DCAF17: variants seen among roughly 807,000 people sequenced by gnomAD.
DCAF17 encodes DDB1- and CUL4-associated factor 17.
DCAF17 carries 48 observed loss-of-function variants against 66.0 expected under a neutral mutation model. The observed-to-expected ratio is 0.73, with a 90% CI of 0.58 to 0.92. DCAF17 has a LOEUF of 0.92. DCAF17 is among the 40% of genes least tolerant of loss of function. The pLI is 0.00. For synonymous variants in DCAF17, 206 were observed against 214.6 expected (o/e 0.96, Z 0.35); for missense variants, 562 against 622.8 (o/e 0.90, Z 1.04).
intron 11 of DCAF17, 136 bp from the exon 12 acceptor site, chr2:171,477,851 A>G: frequency 1.4e-6 from 1 of 734,264 alleles, no homozygotes; most frequent in Non-Finnish European, 2.4e-6. Context: ...TCTGATTCAG[A>G]ATTTTCTCAG....
At chr2:171,475,624 A>G (rs1389293438) in intron 10 of DCAF17, among the ~76,000 whole-genome samples, 1 of 152,170 alleles carries the variant, frequency 6.6e-6, no homozygotes, top group Non-Finnish European at 1.5e-5. Flanking sequence ...ATAGCCAGGC[A>G]TGATGGTGGG....
At chr2:171,443,363 A>T in intron 2 of DCAF17, 160 bp from the exon 3 acceptor site, 1 of 575,822 alleles carries the variant, frequency 1.7e-6, no homozygotes, top group Non-Finnish European at 3.0e-6. Flanking sequence ...TTTTATATGA[A>T]TTATGTGATC....
At chr2:171,453,298 A>G (rs1695061720) in intron 6 of DCAF17, 85 bp downstream of exon 6, 1 of 1,031,650 alleles carries the variant, frequency 9.7e-7, no homozygotes, top group Non-Finnish European at 1.4e-6. Context: ...GAGATATTTG[A>G]TTGGAAATGC....
rs1460628949 is a variant in DCAF17, at chr2:171,484,944, T to C, written c.*3830T>C. On this transcript the variant is annotated 3_prime_UTR_variant, in exon 14 of 14. Coordinates refer to ENST00000375255, the MANE Select transcript of DCAF17 (RefSeq NM_025000.4). Reference sequence around the variant, plus strand: ...CTTTTTATTGCTGAGTATTCTTTCGTATGAATATATCACAGTTTGTTTTTT... The same window carrying C: ...CTTTTTATTGCTGAGTATTCTTTCGCATGAATATATCACAGTTTGTTTTTT... The C allele has an allele frequency of 2.2e-6, 1 of 454,140 alleles. No individual in the cohort carries two copies. Among genetic ancestry groups the C allele is most frequent in the Non-Finnish European group, 4.4e-6 (1 of 226,792 alleles). The allele number at this position is 454,140 out of a possible 1,614,324, so 28.1% of individuals were successfully genotyped here. A position where few individuals can be genotyped will look rare whatever the true frequency, so the allele number is the denominator to read the frequency against.
intron 8 of DCAF17, among the ~76,000 whole-genome samples, chr2:171,463,420 T>C: frequency 6.6e-6 from 1 of 152,170 alleles, no homozygotes; most frequent in Non-Finnish European, 1.5e-5. Flanking sequence ...GATGTGCTTT[T>C]GGATTTGCTT....
Position 171,481,018 on chromosome 2 carries a change from C to T in DCAF17, c.1467C>T (p.His489=), listed in dbSNP as rs756663758. Residue 489 remains histidine (H), a synonymous_variant, in exon 14 of 14, where the codon CAC becomes CAT. Transcript: ENST00000375255. ...ACTTTGACAGAGACTTGGTGCTACA[C>T]ATAGAGCAGAAACCCAACAGAGTCT... ...EVYFDRDLVL[H]IEQKPNRVFS... is the part of the protein sequence containing the mutation. 8 of 1,613,774 alleles carry T rather than the reference C, an allele frequency of 5.0e-6. No individual in the cohort carries two copies. The South Asian group carries it at 8.8e-5, about 18-fold the overall frequency.
At chr2:171,455,746 G>A (rs571812082) in intron 6 of DCAF17, among the ~76,000 whole-genome samples, 6 of 152,100 alleles carry the variant, frequency 3.9e-5, no homozygotes, top group Non-Finnish European at 8.8e-5. Flanking sequence ...GTTTTGATTT[G>A]CATTTCTCTA....
intron 3 of DCAF17, 123 bp downstream of exon 3, chr2:171,443,736 G>A: frequency 1.3e-6 from 1 of 755,664 alleles, no homozygotes; most frequent in Non-Finnish European, 2.2e-6. Flanking sequence ...CATCTTTAAA[G>A]CAATCAAGAT....
chr2:171,447,286 C>A, intron 3 of DCAF17: 1 of 221,160 alleles, frequency 4.5e-6, no homozygotes, highest in Non-Finnish European at 9.4e-6. Flanking sequence ...TATAAAATAA[C>A]TATGTCTTCA....
Position 171,479,162 on chromosome 2 carries a change from T to A in DCAF17, c.1267-876T>A, listed in dbSNP as rs10177689. Among the ~76,000 whole-genome samples, 9 of 152,188 alleles carry A rather than the reference T, an allele frequency of 5.9e-5. No individual in the cohort carries two copies. In the South Asian group the frequency reaches 1.5e-3, roughly 25 times the overall value. On this transcript the variant is annotated intron_variant, in intron 12 of 13. Transcript: ENST00000375255. ...TCAAACGTAATAAATCCATATAAAT[T>A]TTTATGTCTTAGGGTGGTAAAGGCA... is the stretch of plus-strand genomic sequence containing the variant.
intron 8 of DCAF17, among the ~76,000 whole-genome samples, chr2:171,462,390 A>G (rs1251969811): frequency 1.3e-5 from 2 of 152,226 alleles, no homozygotes; most frequent in African/African-American, 2.4e-5. Context: ...GAGTGATAAC[A>G]CAATTACAAA....
In DCAF17 at chr2:171,480,106, T is replaced by C. The variant is rs1696673454; in HGVS notation, c.1335T>C (p.Asp445=). 6.2e-7 allele frequency: 1 copy of C among 1,613,750 alleles called. No individual in the cohort carries two copies. The highest frequency in any genetic ancestry group is 1.1e-5 in the South Asian group (1 of 91,084). Residue 445 remains aspartate, a synonymous_variant, in exon 13 of 14, where the codon GAT becomes GAC. Coordinates refer to ENST00000375255, the MANE Select transcript of DCAF17 (RefSeq NM_025000.4). The part of the protein sequence containing the change: ...LLSVVAVTQI[D]AEGKAHLDFH... ...CTGTGGTAGCTGTTACTCAAATAGA[T>C]GCTGAAGGAAAAGCTCACCTGGATT...
At position 171,476,240 on chromosome 2, in the gene DCAF17, G is replaced by A. The variant is rs1230763569; in HGVS notation, c.1092-620G>A. Among the ~76,000 whole-genome samples the A allele has an allele frequency of 3.3e-5, 5 of 151,830 alleles. No homozygotes were observed. In the South Asian group the frequency reaches 1.0e-3, roughly 32 times the overall value. Reference sequence around the variant, plus strand: ...GTAAACAGATTTCTGTGGGTGGTGAGCAAATTATTTTATTTTCTTTTAATA... The same window carrying A: ...GTAAACAGATTTCTGTGGGTGGTGAACAAATTATTTTATTTTCTTTTAATA... On this transcript the variant is annotated intron_variant, in intron 10 of 13. Coordinates refer to ENST00000375255, the MANE Select transcript of DCAF17 (RefSeq NM_025000.4).
At chr2:171,460,541 TTA>T (rs1463076832) in intron 8 of DCAF17, among the ~76,000 whole-genome samples, 43 of 148,328 alleles carry the variant, frequency 2.9e-4, no homozygotes, top group Admixed American at 5.5e-4. Context: ...ATTATTATTA[TTA>T]ATTTTGAGAC....
At chr2:171,473,142 G>A (rs1177247295) in intron 9 of DCAF17, among the ~76,000 whole-genome samples, 1 of 152,128 alleles carries the variant, frequency 6.6e-6, no homozygotes, top group Non-Finnish European at 1.5e-5. Flanking sequence ...GAGGCTTTAG[G>A]TTTGTTTACA....
intron 6 of DCAF17, among the ~76,000 whole-genome samples, chr2:171,456,973 G>A (rs1695294838): frequency 6.6e-6 from 1 of 152,144 alleles, no homozygotes; most frequent in African/African-American, 2.4e-5. Context: ...CCTTTTATTT[G>A]TTTCTCTTGC....
chr2:171,450,664 C>T (rs1429794419), intron 5 of DCAF17, among the ~76,000 whole-genome samples: 1 of 152,124 alleles, frequency 6.6e-6, no homozygotes, highest in African/African-American at 2.4e-5. Context: ...AAAGCAAATA[C>T]TTATTTTGTG....
rs759948524 is a variant in DCAF17, at chr2:171,449,950, C to T, written c.530C>T (p.Ala177Val). 2 of 1,612,682 alleles carry T rather than the reference C, an allele frequency of 1.2e-6. No individual in the cohort carries two copies. The highest frequency in any genetic ancestry group is 2.2e-5 in the East Asian group (1 of 44,846). Residue 177 changes from alanine to valine, a missense_variant, in exon 5 of 14, where the codon GCC becomes GTC. This residue lies in a region of DCAF17 where 348 missense variants were observed against 355.9 expected (regional missense o/e 0.98). Transcript: ENST00000375255. ...GCTCAGAACAGAGGCTCAGCAGTGG[C>T]CCGGCAGGTATACATATTTAAACAT... ...KSAQNRGSAVARQAGIQQHVL... is the reference protein window; with the variant it reads ...KSAQNRGSAVVRQAGIQQHVL...
At chr2:171,456,506 A>T (rs541891871) in intron 6 of DCAF17, among the ~76,000 whole-genome samples, 7 of 152,316 alleles carry the variant, frequency 4.6e-5, no homozygotes, top group Non-Finnish European at 7.3e-5. Context: ...TTCCATAGGA[A>T]TTCTAAAATA....
Sources: gnomAD v4.1 joint callset for allele counts (sites outside exome capture counted in the v4.1 genomes callset) on GRCh38, gnomAD v4.1.1 for gene constraint, gnomAD v4.1.1 regional missense constraint, MANE v1.5 for transcripts, NCBI Gene and HGNC (gene_info 2026-07-23, HGNC 2026-07-21) for gene names.